CACNG3: variants seen among roughly 807,000 people sequenced by gnomAD.
The protein encoded by CACNG3 is voltage-dependent calcium channel gamma-3 subunit.
Under a neutral mutation model 28.5 loss-of-function variants are expected in CACNG3, and 3 were observed. The ratio of observed to expected loss-of-function variants is 0.11; its 90% CI spans 0.05 to 0.27. The LOEUF (loss-of-function observed/expected upper bound fraction) is 0.27. CACNG3 is among the 10% of genes least tolerant of loss of function. The pLI is 1.00. For missense variants in CACNG3, 236 were observed against 414.4 expected (o/e 0.57, Z 3.74); for synonymous variants, 174 against 162.2 (o/e 1.07, Z -0.55).
rs563516406 is a variant in CACNG3, at chr16:24,265,378, G to T, written c.211+8413G>T. Among the ~76,000 whole-genome samples, 3 of 142,234 alleles carry T rather than the reference G, an allele frequency of 2.1e-5. 1 individual carries two copies. In the South Asian group the frequency reaches 6.6e-4, roughly 31 times the overall value. 93.3% of individuals were successfully genotyped at this position (142,234 alleles called of 152,430 possible). ...AAGAAAGAAAGAAAGAAAAAAGAAA[G>T]AAAGAAAAGAAAGAAGAAAGAAAGA... is the stretch of plus-strand genomic sequence containing the variant. On this transcript the variant is annotated intron_variant, in intron 1 of 3. Transcript: ENST00000005284.
intron 1 of CACNG3, among the ~76,000 whole-genome samples, chr16:24,317,366 A>G (rs2141367672): frequency 6.6e-6 from 1 of 151,874 alleles, no homozygotes; most frequent in Admixed American, 6.6e-5. Flanking sequence ...ACATGGTGAA[A>G]CCCCATCTCT....
chr16:24,269,583 C>T (rs1898657230), intron 1 of CACNG3, among the ~76,000 whole-genome samples: 1 of 151,676 alleles, frequency 6.6e-6, no homozygotes, highest in Admixed American at 6.6e-5. Flanking sequence ...ACTGTCTCTA[C>T]TAAAAATAGA....
intron 2 of CACNG3, among the ~76,000 whole-genome samples, chr16:24,349,122 T>A (rs2095713593): frequency 6.6e-6 from 1 of 152,200 alleles, no homozygotes; most frequent in Non-Finnish European, 1.5e-5. Flanking sequence ...TCCTGCAGGG[T>A]TCTCCCTGCC....
chr16:24,311,914 C>T (rs1899270103), intron 1 of CACNG3, among the ~76,000 whole-genome samples: 2 of 152,324 alleles, frequency 1.3e-5, no homozygotes, highest in South Asian at 2.1e-4. Flanking sequence ...AGAGACGGTG[C>T]TTCTCCAAGC....
chr16:24,310,384 C>T (rs1409757616), intron 1 of CACNG3, among the ~76,000 whole-genome samples: 1 of 152,024 alleles, frequency 6.6e-6, no homozygotes, highest in Non-Finnish European at 1.5e-5. Context: ...GCCAACATGA[C>T]AAAACCCTGT....
intron 1 of CACNG3, among the ~76,000 whole-genome samples, chr16:24,267,406 G>A (rs1265354842): frequency 1.3e-5 from 2 of 152,204 alleles, no homozygotes; most frequent in South Asian, 4.2e-4. Flanking sequence ...TCCCACCACA[G>A]TCCCATGAGT....
At chr16:24,291,645 T>G (rs1328025157) in intron 1 of CACNG3, among the ~76,000 whole-genome samples, 1 of 152,170 alleles carries the variant, frequency 6.6e-6, no homozygotes. Context: ...CATGGTATAG[T>G]GAGTCAGACA....
chr16:24,339,605 C>T (rs1289635667), intron 1 of CACNG3, among the ~76,000 whole-genome samples: 8 of 152,042 alleles, frequency 5.3e-5, no homozygotes, highest in African/African-American at 1.4e-4. Flanking sequence ...AGGCTGGCCT[C>T]GAACTCCAGA....
At chr16:24,301,487 G>A (rs1457391513) in intron 1 of CACNG3, among the ~76,000 whole-genome samples, 6 of 152,190 alleles carry the variant, frequency 3.9e-5, no homozygotes, top group Admixed American at 3.9e-4. Context: ...ATGCGGTGTT[G>A]GGAGAAGTGT....
intron 1 of CACNG3, among the ~76,000 whole-genome samples, chr16:24,338,320 T>C (rs1289036508): frequency 6.6e-6 from 1 of 152,000 alleles, no homozygotes. Context: ...TCATCCTGTT[T>C]TGTATCTTTC....
At chr16:24,300,915 G>A (rs935866004) in intron 1 of CACNG3, among the ~76,000 whole-genome samples, 2 of 152,078 alleles carry the variant, frequency 1.3e-5, no homozygotes, top group East Asian at 1.9e-4. Context: ...CGGATGTGGT[G>A]GCACACACTT....
intron 1 of CACNG3, among the ~76,000 whole-genome samples, chr16:24,324,458 C>T (rs903307610): frequency 1.3e-5 from 2 of 152,132 alleles, no homozygotes; most frequent in African/African-American, 4.8e-5. Flanking sequence ...CCCCCACTCC[C>T]CAGACCCAAC....
At chr16:24,299,485 T>G (rs1899077517) in intron 1 of CACNG3, among the ~76,000 whole-genome samples, 1 of 152,184 alleles carries the variant, frequency 6.6e-6, no homozygotes, top group Non-Finnish European at 1.5e-5. Flanking sequence ...GCAAGGGTCC[T>G]TGGTTCCTTT....
intron 1 of CACNG3, among the ~76,000 whole-genome samples, chr16:24,324,562 C>T (rs1899512131): frequency 6.6e-6 from 1 of 152,200 alleles, no homozygotes; most frequent in Non-Finnish European, 1.5e-5. Context: ...TAGCTCAAAT[C>T]ACCATTGCCC....
rs57584370 is a variant in CACNG3, at chr16:24,305,320, ATGTGTGTGTG to A, written c.212-41376_212-41367del. ...TATATACAAACTTATATACATAAAT[ATGTGTGTGTG>A]TGTGTGTGTGTGTGTGTGTGTGTGT... On this transcript the variant is annotated intron_variant, in intron 1 of 3. Transcript: ENST00000005284. 9.4e-3 allele frequency among the ~76,000 whole-genome samples: 1,285 copies of A among 136,202 alleles called. 24 individuals are homozygous for A. The highest frequency in any genetic ancestry group is 0.03 in the African/African-American group (1,104 of 36,656). The allele number at this position is 136,202 out of a possible 152,430, so 89.4% of individuals were successfully genotyped here. A position where few individuals can be genotyped will look rare whatever the true frequency, so the allele number is the denominator to read the frequency against.
chr16:24,353,733 C>T (rs367550501), intron 2 of CACNG3, among the ~76,000 whole-genome samples: 15 of 152,274 alleles, frequency 9.9e-5, no homozygotes, highest in East Asian at 5.8e-4. Context: ...TTTGTTCATT[C>T]GTGACTAAAT....
intron 2 of CACNG3, among the ~76,000 whole-genome samples, chr16:24,351,750 A>G: frequency 1.5e-5 from 1 of 65,398 alleles, no homozygotes; most frequent in Non-Finnish European, 3.3e-5. Flanking sequence ...GAAGGAAGGA[A>G]GGAAGGAAGA....
intron 1 of CACNG3, among the ~76,000 whole-genome samples, chr16:24,266,187 C>G (rs1898606529): frequency 6.6e-6 from 1 of 152,042 alleles, no homozygotes; most frequent in African/African-American, 2.4e-5. Context: ...CCTTGGGAGC[C>G]AGTGTTTCTA....
At chr16:24,321,625 A>G (rs1899460820) in intron 1 of CACNG3, among the ~76,000 whole-genome samples, 2 of 152,204 alleles carry the variant, frequency 1.3e-5, no homozygotes, top group Admixed American at 1.3e-4. Flanking sequence ...GAAGCTGTCA[A>G]GCGCTTCCTT....
Sources: allele counts gnomAD v4.1 joint callset (sites outside exome capture counted in the v4.1 genomes callset), GRCh38; gene constraint gnomAD v4.1.1; transcripts MANE v1.5; gene names NCBI Gene and HGNC (gene_info 2026-07-23, HGNC 2026-07-21).